TNXB: variants seen among roughly 807,000 people sequenced by gnomAD.
The protein encoded by TNXB is tenascin XB.
TNXB carries 183 observed loss-of-function variants against 340.5 expected under a neutral mutation model. The ratio of observed to expected loss-of-function variants is 0.54; its 90% CI spans 0.48 to 0.61. The LOEUF is 0.61. Among genes scored for constraint, TNXB ranks in the 20% least tolerant of loss-of-function variants. The pLI is 0.00. For missense variants in TNXB, 4,613 were observed against 5,446.4 expected (o/e 0.85, Z 4.82); for synonymous variants, 2,121 against 2,314.5 (o/e 0.92, Z 2.40).
chr6:32,067,570 G>A lies in TNXB; in HGVS notation c.6544+91C>T. The stretch of plus-strand genomic sequence containing the variant: ...TGAACAGGGTGTATTACAGGTTTGA[G>A]GTCTTGGGGTTCTGGGTCCCTAGTG... On this transcript the variant is annotated intron_variant, in intron 18 of 43. Coordinates refer to ENST00000644971, the MANE Select transcript of TNXB (RefSeq NM_001365276.2). This position sits in a 1 kb window ranked among gnomAD's most constrained non-coding sequence, Gnocchi z 4.2. 1.3e-6 allele frequency: 2 copies of A among 1,482,420 alleles called. No individual in the cohort carries two copies. Among genetic ancestry groups the A allele is most frequent in the Non-Finnish European group, 1.8e-6 (2 of 1,109,336 alleles). The allele number at this position is 1,482,420 out of a possible 1,614,324, so 91.8% of individuals were successfully genotyped here.
In TNXB at chr6:32,067,694, G is replaced by C; in HGVS notation, c.6511C>G (p.Arg2171Gly). Residue 2171 changes from arginine (R) to glycine (G), a missense_variant, in exon 18 of 44, where the codon CGC becomes GGC. Around this residue, in one of 7 missense-constraint regions of TNXB, gnomAD observed 4,327 missense variants for 4,859.4 expected, o/e 0.89. Coordinates refer to ENST00000644971, the MANE Select transcript of TNXB (RefSeq NM_001365276.2). The surrounding 1 kb of genome is among the most constrained non-coding windows in gnomAD (Gnocchi z 4.2). ...CCCACAGCAGACACTGGGCCCACGCGCCGCCCCTCGTGGAGGCCGTACAGG... is the reference window on the plus strand; with the variant it reads ...CCCACAGCAGACACTGGGCCCACGCCCCGCCCCTCGTGGAGGCCGTACAGG... ...MHLYGLHEGRRVGPVSAVGVT... is the reference protein window; with the variant it reads ...MHLYGLHEGRGVGPVSAVGVT... The C allele has an allele frequency of 6.2e-7, 1 of 1,613,730 alleles. No homozygotes were observed. Among genetic ancestry groups the C allele is most frequent in the Non-Finnish European group, 8.5e-7 (1 of 1,179,784 alleles).
chr6:32,084,485 T>G lies in TNXB; in HGVS notation c.3373A>C (p.Lys1125Gln). 1.2e-6 allele frequency: 2 copies of G among 1,608,312 alleles called. No individual in the cohort carries two copies. Among genetic ancestry groups the G allele is most frequent in the Non-Finnish European group, 1.7e-6 (2 of 1,178,292 alleles). The change falls in exon 8 of 44, where the codon AAG becomes CAG. Residue 1125 changes from lysine (K) to glutamine (Q), a missense_variant. Lys to Gln is a moderately conservative substitution (Grantham distance 53). Around this residue, in one of 7 missense-constraint regions of TNXB, gnomAD observed 4,327 missense variants for 4,859.4 expected, o/e 0.89. Transcript: ENST00000644971. The surrounding 1 kb of genome is among the most constrained non-coding windows in gnomAD (Gnocchi z 5.5). ...AVITSLDPGR[K>Q]YKFVLYGFVG... ...AACCCATACAGGACAAATTTGTACT[T>G]GCGGCCAGGATCCAGGGAGGTGATG...
rs1209644494 is a variant in TNXB, at chr6:32,058,972, T to C, written c.7493-582A>G. On this transcript the variant is annotated intron_variant, in intron 21 of 43. Coordinates refer to ENST00000644971, the MANE Select transcript of TNXB (RefSeq NM_001365276.2). This position sits in a 1 kb window ranked among gnomAD's most constrained non-coding sequence, Gnocchi z 5.1. The stretch of plus-strand genomic sequence containing the variant: ...TTGCAACTTTAAAACACGCTCTGCA[T>C]GCAAAATACAGGAAGGGAATGTGCA... 1.3e-5 allele frequency among the ~76,000 whole-genome samples: 2 copies of C among 151,958 alleles called. No individual in the cohort carries two copies. Among genetic ancestry groups the C allele is most frequent in the African/African-American group, 4.9e-5 (2 of 41,200 alleles).
At position 32,049,246 on chromosome 6, in the gene TNXB, AC is replaced by A; in HGVS notation, c.9757+23del. On this transcript the variant is annotated intron_variant, in intron 28 of 43. Coordinates refer to ENST00000644971, the MANE Select transcript of TNXB (RefSeq NM_001365276.2). The surrounding 1 kb of genome is among the most constrained non-coding windows in gnomAD (Gnocchi z 4.5). ...GGGGGCTGCAGAGGTAAACCTGGGG[AC>A]GAGGGCCTGTCCCCCCACTCACCCG... The A allele has an allele frequency of 6.3e-7, 1 of 1,599,074 alleles. No individual in the cohort carries two copies. Among genetic ancestry groups the A allele is most frequent in the Non-Finnish European group, 8.5e-7 (1 of 1,171,004 alleles).
rs1252428089 is a variant in TNXB, at chr6:32,046,270, A to G, written c.10511T>C (p.Val3504Ala). 1 of 1,606,330 alleles carries G rather than the reference A, an allele frequency of 6.2e-7. No homozygotes were observed. Among genetic ancestry groups the G allele is most frequent in the South Asian group, 1.1e-5 (1 of 89,608 alleles). ...TTTCTTGCCAGGCTCCAGGTCCTCT[A>G]CGGTGACTGTGCGCTGGTCTGCGGC... The part of the protein sequence containing the change: ...PVAADQRTVT[V>A]EDLEPGKKYK... Residue 3504 changes from valine to alanine, a missense_variant, in exon 31 of 44, where the codon GTA becomes GCA. Physicochemically the swap from Val to Ala is moderately conservative, Grantham distance 64. Coordinates refer to ENST00000644971, the MANE Select transcript of TNXB (RefSeq NM_001365276.2). This position sits in a 1 kb window ranked among gnomAD's most constrained non-coding sequence, Gnocchi z 6.9.
chr6:32,056,668 C>A lies in TNXB; in HGVS notation c.8061G>T (p.Glu2687Asp), dbSNP rs761221975. The A allele has an allele frequency of 3.7e-6, 6 of 1,612,996 alleles. No homozygotes were observed. In the African/African-American group the frequency reaches 8.0e-5, roughly 22 times the overall value. ...GGTTCATCTTGTATTTATGGTCTGG[C>A]TCCAGGCCTGAGATGGTGACCCCGT... ...HEDGVTISGL[E>D]PDHKYKMNLY... is the part of the protein sequence containing the mutation. The change falls in exon 23 of 44, where the codon GAG becomes GAT. Residue 2687 changes from glutamate to aspartate, a missense_variant. Around this residue, in one of 7 missense-constraint regions of TNXB, gnomAD observed 4,327 missense variants for 4,859.4 expected, o/e 0.89. Coordinates refer to ENST00000644971, the MANE Select transcript of TNXB (RefSeq NM_001365276.2).
In TNXB at chr6:32,081,620, G is replaced by A. The variant is rs1331687174; in HGVS notation, c.3790C>T (p.Leu1264=). Residue 1264 remains leucine, a synonymous_variant, in exon 10 of 44, where the codon CTG becomes TTG. Transcript: ENST00000644971. The surrounding 1 kb of genome is among the most constrained non-coding windows in gnomAD (Gnocchi z 5.1). The part of the protein sequence containing the change: ...PRPEFLEQPL[L]GELTVTGVTP... The stretch of plus-strand genomic sequence containing the variant: ...ACGCCGGTCACTGTCAGTTCCCCCA[G>A]GAGGGGCTGCTCCAGGAACTCAGGG... 5.0e-6 allele frequency: 8 copies of A among 1,600,184 alleles called. No homozygotes were observed. In the Admixed American group the frequency reaches 1.4e-4, roughly 27 times the overall value.
Position 32,068,169 on chromosome 6 carries a change from G to T in TNXB, c.6221-185C>A, listed in dbSNP as rs890533869. Reference sequence around the variant, plus strand: ...TTCCAGGGTCAGCTGTGGGGGACCTGGGACAGCCACCAGCACAGCAAAATT... The same window carrying T: ...TTCCAGGGTCAGCTGTGGGGGACCTTGGACAGCCACCAGCACAGCAAAATT... On this transcript the variant is annotated intron_variant, in intron 17 of 43. Transcript: ENST00000644971. The surrounding 1 kb of genome is among the most constrained non-coding windows in gnomAD (Gnocchi z 5.3). 1.3e-5 allele frequency among the ~76,000 whole-genome samples: 2 copies of T among 152,174 alleles called. No individual in the cohort carries two copies. Among genetic ancestry groups the T allele is most frequent in the Non-Finnish European group, 2.9e-5 (2 of 68,016 alleles).
chr6:32,095,218 G>A lies in TNXB; in HGVS notation c.2243-27C>T, dbSNP rs1156528127. ...TGCCCAAGAGAATGGGTTAGGGAAA[G>A]CTGGTTAGCACAAGGCAACCACCCC... On this transcript the variant is annotated intron_variant, in intron 3 of 43. Coordinates refer to ENST00000644971, the MANE Select transcript of TNXB (RefSeq NM_001365276.2). The A allele has an allele frequency of 4.5e-6, 7 of 1,538,878 alleles. No individual in the cohort carries two copies. In the Admixed American group the frequency reaches 9.8e-5, roughly 22 times the overall value.
rs1437696599 is a variant in TNXB at position 32,072,211 on chromosome 6, G to C, written c.4769C>G (p.Pro1590Arg). Reference protein sequence around the residue: ...LGELTVTDITPDSVGLSWTVP... With the variant: ...LGELTVTDITRDSVGLSWTVP... ...TGTCCATGAGAGGCCCACAGAGTCAGGGGTTATATCCGTCACTGTCAGCTC... is the reference window on the plus strand; with the variant it reads ...TGTCCATGAGAGGCCCACAGAGTCACGGGTTATATCCGTCACTGTCAGCTC... The change falls in exon 13 of 44, where the codon CCT becomes CGT. Residue 1590 changes from proline to arginine, a missense_variant. Physicochemically the swap from Pro to Arg is moderately radical, Grantham distance 103. This residue lies in a region of TNXB where 4,327 missense variants were observed against 4,859.4 expected (regional missense o/e 0.89). Transcript: ENST00000644971. The surrounding 1 kb of genome is among the most constrained non-coding windows in gnomAD (Gnocchi z 4.4). The C allele has an allele frequency of 6.2e-7, 1 of 1,611,938 alleles. No individual in the cohort carries two copies. The highest frequency in any genetic ancestry group is 8.5e-7 in the Non-Finnish European group (1 of 1,179,276).
chr6:32,050,699 C>A (rs1233925857), intron 26 of TNXB, among the ~76,000 whole-genome samples: 1 of 152,158 alleles, frequency 6.6e-6, no homozygotes, highest in Non-Finnish European at 1.5e-5. Flanking sequence ...CTCCCGAGGC[C>A]AGAGCCTGGG....
Position 32,053,418 on chromosome 6 carries a change from C to T in TNXB, c.8761G>A (p.Val2921Met), listed in dbSNP as rs529485424. 1.2e-4 allele frequency: 192 copies of T among 1,612,888 alleles called. 1 individual carries two copies. The East Asian group carries it at 2.5e-3, about 21-fold the overall frequency. ...ACCCCAATGACAGAGATGGGGCCCA[C>T]GCGCTGGCCACCGTGGAAGCCGTAC... ...NLYGFHGGQR[V>M]GPISVIGVTA... Residue 2921 changes from valine (V) to methionine (M), a missense_variant, in exon 25 of 44, where the codon GTG becomes ATG. This residue lies in a region of TNXB where 4,327 missense variants were observed against 4,859.4 expected (regional missense o/e 0.89). Transcript: ENST00000644971.
Position 32,084,681 on chromosome 6 carries a change from G to A in TNXB, c.3177C>T (p.Ser1059=). ...MDKDEEKPGK[S]SGPPRLGELT... is the part of the protein sequence containing the mutation. ...GCTCACCCAGGCGTGGTGGGCCTGA[G>A]GACTTCCCAGGCTTCTCCTCATCCT... is the stretch of plus-strand genomic sequence containing the variant. The change falls in exon 8 of 44, where the codon TCC becomes TCT. Residue 1059 remains serine, a synonymous_variant. Transcript: ENST00000644971. The surrounding 1 kb of genome is among the most constrained non-coding windows in gnomAD (Gnocchi z 5.5). 6.3e-7 allele frequency: 1 copy of A among 1,584,020 alleles called. No individual in the cohort carries two copies. Among genetic ancestry groups the A allele is most frequent in the South Asian group, 1.1e-5 (1 of 88,210 alleles).
chr6:32,067,084 G>GAAAGA lies in TNXB; in HGVS notation c.6544+572_6544+576dup, dbSNP rs9281647. Among the ~76,000 whole-genome samples, 92,903 of 143,200 alleles carry GAAAGA rather than the reference G, an allele frequency of 0.65. 30,750 individuals carry two copies. Among genetic ancestry groups the GAAAGA allele is most frequent in the South Asian group, 0.76 (3,359 of 4,428 alleles). 93.9% of individuals were successfully genotyped at this position (143,200 alleles called of 152,430 possible). ...GAGTGAGACCTTGTCTAAAAAGAAA[G>GAAAGA]AAAGAAAAGAATGAAAGAAAGAAAG... On this transcript the variant is annotated intron_variant, in intron 18 of 43. Transcript: ENST00000644971. The surrounding 1 kb of genome is among the most constrained non-coding windows in gnomAD (Gnocchi z 4.2).
rs886611283 is a variant in TNXB at position 32,081,303 on chromosome 6, C to T, written c.4042+65G>A. On this transcript the variant is annotated intron_variant, in intron 10 of 43. Coordinates refer to ENST00000644971, the MANE Select transcript of TNXB (RefSeq NM_001365276.2). The surrounding 1 kb of genome is among the most constrained non-coding windows in gnomAD (Gnocchi z 5.1). The stretch of plus-strand genomic sequence containing the variant: ...AAGATGGAGGGAGGCTGGAAGGAGC[C>T]CCAGCCAAGTCCCGCTCACAGGATG... The T allele has an allele frequency of 1.4e-6, 2 of 1,448,560 alleles. No individual in the cohort carries two copies. The highest frequency in any genetic ancestry group is 1.9e-6 in the Non-Finnish European group (2 of 1,077,996). The allele number at this position is 1,448,560 out of a possible 1,614,324, so 89.7% of individuals were successfully genotyped here.
chr6:32,048,663 GAGCAGGCCC>G lies in TNXB; in HGVS notation c.9758-22_9758-14del. 6.9e-7 allele frequency: 1 copy of G among 1,446,560 alleles called. No homozygotes were observed. Among genetic ancestry groups the G allele is most frequent in the Non-Finnish European group, 9.1e-7 (1 of 1,094,310 alleles). The allele number at this position is 1,446,560 out of a possible 1,614,324, so 89.6% of individuals were successfully genotyped here. A position where few individuals can be genotyped will look rare whatever the true frequency, so the allele number is the denominator to read the frequency against. On this transcript the variant is annotated splice_polypyrimidine_tract_variant and intron_variant, in intron 28 of 43. Transcript: ENST00000644971. ...GTGGGCAGGGGCGCTGAAAAGAGCA[GAGCAGGCCC>G]ATGGGTCAGGAGGCAGGACCCTGCG...
At chr6:32,102,382 A>C (rs950520126) in intron 1 of TNXB, among the ~76,000 whole-genome samples, 5 of 152,202 alleles carry the variant, frequency 3.3e-5, no homozygotes, top group African/African-American at 1.2e-4. Flanking sequence ...AAAGCAACTC[A>C]AGTGTCCATT....
chr6:32,108,097 G>A lies in TNXB; in HGVS notation c.-9+1084C>T, dbSNP rs984168671. 1.3e-5 allele frequency among the ~76,000 whole-genome samples: 2 copies of A among 152,126 alleles called. No homozygotes were observed. The highest frequency in any genetic ancestry group is 4.8e-5 in the African/African-American group (2 of 41,406). On this transcript the variant is annotated intron_variant, in intron 1 of 43. Transcript: ENST00000644971. The surrounding 1 kb of genome is among the most constrained non-coding windows in gnomAD (Gnocchi z 4.8). The stretch of plus-strand genomic sequence containing the variant: ...TTTCTGGTCCTGCACCTAGTGGCTA[G>A]GTCTGGAGTGAGCAAAGGAAGTTTG...
Position 32,049,339 on chromosome 6 carries a change from A to G in TNXB, c.9688T>C (p.Tyr3230His). The G allele has an allele frequency of 1.9e-6, 3 of 1,612,424 alleles. No individual in the cohort carries two copies. Among genetic ancestry groups the G allele is most frequent in the Non-Finnish European group, 1.7e-6 (2 of 1,179,848 alleles). Reference protein sequence around the residue: ...TVGGLEPGRKYKMHLYGLHEG... With the variant: ...TVGGLEPGRKHKMHLYGLHEG... ...TGGAGGCCGTACAGATGCATCTTGT[A>G]TTTGCGCCCGGGCTCCAGGCCCCCC... Residue 3230 changes from tyrosine to histidine, a missense_variant, in exon 28 of 44, where the codon TAC (tyrosine) becomes CAC (histidine). This residue lies in a region of TNXB where 4,327 missense variants were observed against 4,859.4 expected (regional missense o/e 0.89). Coordinates refer to ENST00000644971, the MANE Select transcript of TNXB (RefSeq NM_001365276.2). This position sits in a 1 kb window ranked among gnomAD's most constrained non-coding sequence, Gnocchi z 4.5.
Sources: gnomAD v4.1 joint callset for allele counts (sites outside exome capture counted in the v4.1 genomes callset) on GRCh38, gnomAD v4.1.1 for gene constraint, gnomAD v4.1.1 regional missense constraint, Gnocchi (gnomAD v3.1) non-coding constraint, MANE v1.5 for transcripts, NCBI Gene and HGNC (gene_info 2026-07-23, HGNC 2026-07-21) for gene names.